Variants in CYYR1 observed in about 807,000 individuals in gnomAD.
CYYR1 encodes the protein cysteine and tyrosine rich 1.
A neutral mutation model predicts 15.2 loss-of-function variants in CYYR1; 14 were observed. That is an observed-to-expected ratio of 0.92 (90% CI 0.61 to 1.44). CYYR1 has a LOEUF of 1.44. Among genes scored for constraint, CYYR1 ranks in the 40% most tolerant of loss-of-function variants. CYYR1 has a pLI of 0.00. For synonymous variants in CYYR1, 80 were observed against 77.4 expected (o/e 1.03, Z -0.18); for missense variants, 228 against 209.5 (o/e 1.09, Z -0.54).
chr21:26,571,146 A>G (rs1051064574), intron 1 of CYYR1, among the ~76,000 whole-genome samples: 2 of 152,240 alleles, frequency 1.3e-5, no homozygotes, highest in African/African-American at 2.4e-5. Flanking sequence ...GAAGACTGAT[A>G]AGAACATGAC....
intron 2 of CYYR1, among the ~76,000 whole-genome samples, chr21:26,514,093 G>T (rs1467674043): frequency 1.3e-5 from 2 of 151,836 alleles, no homozygotes; most frequent in Non-Finnish European, 2.9e-5. Context: ...CCCAAGGTAA[G>T]AAAGAAACTA....
At chr21:26,556,691 C>G (rs531958003) in intron 2 of CYYR1, among the ~76,000 whole-genome samples, 1 of 152,188 alleles carries the variant, frequency 6.6e-6, no homozygotes, top group African/African-American at 2.4e-5. Flanking sequence ...AACCAGATCT[C>G]ATGAGGACTC....
intron 2 of CYYR1, among the ~76,000 whole-genome samples, chr21:26,534,537 G>C (rs1221339242): frequency 6.6e-6 from 1 of 152,060 alleles, no homozygotes; most frequent in Non-Finnish European, 1.5e-5. Context: ...ACAGGAGACT[G>C]GAGATGGAGA....
chr21:26,525,987 C>G lies in CYYR1; in HGVS notation c.176+40279G>C, dbSNP rs752422571. ...AATGATGAGAACACATGGACACAGA[C>G]AGGAACAATGGACACTGGGGGCCTT... On this transcript the variant is annotated intron_variant, in intron 2 of 3. Coordinates refer to ENST00000652641, the MANE Select transcript of CYYR1 (RefSeq NM_001320768.2). Among the ~76,000 whole-genome samples, 13 of 122,646 alleles carry G rather than the reference C, an allele frequency of 1.1e-4. No individual in the cohort carries two copies. In the East Asian group the frequency reaches 3.6e-3, roughly 34 times the overall value. 80.5% of individuals were successfully genotyped at this position (122,646 alleles called of 152,430 possible).
intron 2 of CYYR1, among the ~76,000 whole-genome samples, chr21:26,547,130 C>A (rs892527882): frequency 9.2e-5 from 14 of 151,994 alleles, no homozygotes; most frequent in African/African-American, 3.1e-4. Flanking sequence ...GTGCAATGTT[C>A]GGGCTCAGAA....
At chr21:26,479,599 G>A (rs2065146420) in intron 3 of CYYR1, among the ~76,000 whole-genome samples, 1 of 152,016 alleles carries the variant, frequency 6.6e-6, no homozygotes, top group Admixed American at 6.6e-5. Context: ...TTTAATACAT[G>A]GAACTTCTAG....
intron 2 of CYYR1, among the ~76,000 whole-genome samples, chr21:26,563,938 T>C (rs1375105145): frequency 6.6e-6 from 1 of 152,232 alleles, no homozygotes; most frequent in Non-Finnish European, 1.5e-5. Flanking sequence ...TCATTTAAGT[T>C]ACCTAATATT....
intron 2 of CYYR1, among the ~76,000 whole-genome samples, chr21:26,545,757 A>G (rs1338241578): frequency 6.7e-6 from 1 of 150,034 alleles, no homozygotes; most frequent in Admixed American, 6.6e-5. Context: ...TTTTTTTTGT[A>G]TTTTTTTAGT....
intron 2 of CYYR1, among the ~76,000 whole-genome samples, chr21:26,546,916 G>A (rs1396926548): frequency 6.6e-6 from 1 of 152,064 alleles, no homozygotes; most frequent in Non-Finnish European, 1.5e-5. Context: ...ACATTTAAAA[G>A]GCACAAAAAC....
intron 3 of CYYR1, among the ~76,000 whole-genome samples, chr21:26,472,187 C>T (rs1026964319): frequency 6.6e-6 from 1 of 152,304 alleles, no homozygotes; most frequent in South Asian, 2.1e-4. Flanking sequence ...TATTACAATG[C>T]AAGTCTTTTC....
chr21:26,474,406 GC>G (rs1280932697), intron 3 of CYYR1, among the ~76,000 whole-genome samples: 1 of 125,492 alleles, frequency 8.0e-6, no homozygotes, highest in Non-Finnish European at 1.6e-5. Flanking sequence ...AATACACCGT[GC>G]CTTTTTTTTT....
intron 2 of CYYR1, among the ~76,000 whole-genome samples, chr21:26,519,626 C>T (rs938920330): frequency 1.3e-5 from 2 of 152,228 alleles, no homozygotes; most frequent in African/African-American, 4.8e-5. Flanking sequence ...TTGAGCAGAG[C>T]AGTGGCATAA....
intron 2 of CYYR1, among the ~76,000 whole-genome samples, chr21:26,553,732 G>A (rs1979564747): frequency 6.6e-6 from 1 of 152,188 alleles, no homozygotes; most frequent in South Asian, 2.1e-4. Flanking sequence ...GTAGGAGGCA[G>A]AGCGTGGAGC....
chr21:26,520,113 GATATATATAT>G (rs71183558), intron 2 of CYYR1, among the ~76,000 whole-genome samples: 42,168 of 121,162 alleles, frequency 0.35, 7,726 homozygotes, highest in Middle Eastern at 0.39. Flanking sequence ...AAACCCAGGA[GATATATATAT>G]ATATATATAT....
intron 2 of CYYR1, among the ~76,000 whole-genome samples, chr21:26,529,393 G>C (rs2065903367): frequency 6.6e-6 from 1 of 152,146 alleles, no homozygotes; most frequent in South Asian, 2.1e-4. Flanking sequence ...TACATTGGAA[G>C]CACTCACTCA....
At chr21:26,522,282 A>G (rs1165686598) in intron 2 of CYYR1, among the ~76,000 whole-genome samples, 1 of 152,166 alleles carries the variant, frequency 6.6e-6, no homozygotes, top group African/African-American at 2.4e-5. Flanking sequence ...AGTGGACTTG[A>G]AAGTCCCTAA....
intron 2 of CYYR1, among the ~76,000 whole-genome samples, chr21:26,508,635 G>A (rs559528672): frequency 6.6e-6 from 1 of 152,156 alleles, no homozygotes; most frequent in Admixed American, 6.5e-5. Context: ...AGGTGGAAAT[G>A]ACAAAGTAAA....
chr21:26,495,285 G>C (rs1406981266), intron 2 of CYYR1, among the ~76,000 whole-genome samples: 1 of 152,132 alleles, frequency 6.6e-6, no homozygotes, highest in Non-Finnish European at 1.5e-5. Flanking sequence ...GTAATCTTTG[G>C]GTCCACAGAT....
intron 3 of CYYR1, among the ~76,000 whole-genome samples, chr21:26,474,131 C>T (rs567611169): frequency 1.3e-5 from 2 of 150,710 alleles, no homozygotes; most frequent in Non-Finnish European, 3.0e-5. Flanking sequence ...ACTGTAAACT[C>T]CACCTCCCAG....
Sources: gnomAD v4.1 joint callset for allele counts (sites outside exome capture counted in the v4.1 genomes callset) on GRCh38, gnomAD v4.1.1 for gene constraint, MANE v1.5 for transcripts, NCBI Gene and HGNC (gene_info 2026-07-23, HGNC 2026-07-21) for gene names.